MIPEP: variants seen among roughly 807,000 people sequenced by gnomAD.
The protein encoded by MIPEP is mitochondrial intermediate peptidase.
A neutral mutation model predicts 90.3 loss-of-function variants in MIPEP; 79 were observed. The ratio of observed to expected loss-of-function variants is 0.87; its 90% CI spans 0.73 to 1.05. The LOEUF (loss-of-function observed/expected upper bound fraction) is 1.05, where lower values mean the gene tolerates loss of function less well. Ranked by LOEUF, MIPEP falls within the 50% of genes least tolerant of loss-of-function variation. MIPEP has a pLI of 0.00. For missense variants in MIPEP, 940 were observed against 905.6 expected (o/e 1.04, Z -0.49); for synonymous variants, 334 against 315.8 (o/e 1.06, Z -0.61).
chr13:23,744,229 G>C (rs576068671), intron 18 of MIPEP, among the ~76,000 whole-genome samples: 1 of 152,072 alleles, frequency 6.6e-6, no homozygotes, highest in East Asian at 1.9e-4. Context: ...ATATATATTA[G>C]CTACTAGTTA....
chr13:23,843,227 T>C (rs1195381600), intron 10 of MIPEP, among the ~76,000 whole-genome samples: 2 of 151,210 alleles, frequency 1.3e-5, no homozygotes, highest in African/African-American at 2.4e-5. Flanking sequence ...TGGCATAAAA[T>C]AGCCTGGTAA....
At chr13:23,783,937 C>T (rs955517950) in intron 16 of MIPEP, among the ~76,000 whole-genome samples, 1 of 151,880 alleles carries the variant, frequency 6.6e-6, no homozygotes, top group African/African-American at 2.4e-5. Context: ...AACCACTGCT[C>T]GAGGAAATAA....
intron 14 of MIPEP, among the ~76,000 whole-genome samples, chr13:23,814,469 A>G (rs9510873): frequency 0.99 from 150,219 of 152,128 alleles, 74,208 homozygotes; most frequent in East Asian, 1. Flanking sequence ...CACTGTATTA[A>G]CCAGGATGGT....
rs139684349 is a variant in MIPEP at position 23,809,908 on chromosome 13, A to G, written c.1670T>C (p.Met557Thr). The G allele has an allele frequency of 7.4e-4, 1,187 of 1,613,472 alleles. 8 individuals carry two copies. The highest frequency in any genetic ancestry group is 4.1e-3 in the South Asian group (370 of 91,008). The change falls in exon 15 of 19, where the codon ATG becomes ACG. Residue 557 changes from methionine to threonine, a missense_variant. By Grantham distance (81) the Met-to-Thr change is moderately conservative (BLOSUM62 -1). Coordinates refer to ENST00000382172, the MANE Select transcript of MIPEP (RefSeq NM_005932.4). ...YQTGQPLPKN[M>T]VSRLCESKKV... ...TTTAGATTCACAAAGACGAGACACC[A>G]TATTTTTTGGCAGTGGCTTGATAAA...
intron 14 of MIPEP, among the ~76,000 whole-genome samples, chr13:23,811,472 T>C (rs1171180265): frequency 1.3e-5 from 2 of 152,160 alleles, no homozygotes; most frequent in Non-Finnish European, 2.9e-5. Context: ...TCCTGCTTGT[T>C]TGGGGACTGA....
chr13:23,860,597 C>A (rs955383164), intron 9 of MIPEP, among the ~76,000 whole-genome samples: 1 of 152,108 alleles, frequency 6.6e-6, no homozygotes, highest in Admixed American at 6.5e-5. Flanking sequence ...TAACCAGGAG[C>A]TACTGAATAA....
At position 23,870,205 on chromosome 13, in the gene MIPEP, G is replaced by C; in HGVS notation, c.604-10C>G. On this transcript the variant is annotated splice_polypyrimidine_tract_variant and intron_variant, in intron 5 of 18. Coordinates refer to ENST00000382172, the MANE Select transcript of MIPEP (RefSeq NM_005932.4). ...CCACTGCTCTTTTACGCTGTATGCA[G>C]GAGGAGTAAAAGTTATTTAAAGGCG... 1 of 1,511,750 alleles carries C rather than the reference G, an allele frequency of 6.6e-7. No homozygotes were observed. Among genetic ancestry groups the C allele is most frequent in the African/African-American group, 1.4e-5 (1 of 71,482 alleles). The allele number at this position is 1,511,750 out of a possible 1,614,324, so 93.6% of individuals were successfully genotyped here. A position where few individuals can be genotyped will look rare whatever the true frequency, so the allele number is the denominator to read the frequency against.
chr13:23,771,608 A>ACTG (rs1321861634), intron 16 of MIPEP, among the ~76,000 whole-genome samples: 1 of 152,042 alleles, frequency 6.6e-6, no homozygotes, highest in Non-Finnish European at 1.5e-5. Flanking sequence ...TTAAAATAAT[A>ACTG]CTGCTATTAG....
At chr13:23,784,369 C>G (rs1286802947) in intron 16 of MIPEP, among the ~76,000 whole-genome samples, 3 of 152,212 alleles carry the variant, frequency 2.0e-5, no homozygotes, top group African/African-American at 7.2e-5. Flanking sequence ...ACAAACCTGA[C>G]AAAAACAAGA....
chr13:23,760,607 G>A (rs1202308940), intron 16 of MIPEP: 1 of 528,994 alleles, frequency 1.9e-6, no homozygotes, highest in Middle Eastern at 3.2e-4. Flanking sequence ...AAGCCAAAGA[G>A]GCCTCGGGAG....
Position 23,747,445 on chromosome 13 carries a change from T to C in MIPEP, c.2044+9100A>G, listed in dbSNP as rs117979216. On this transcript the variant is annotated intron_variant, in intron 18 of 18. Transcript: ENST00000382172. ...TCCCCTACTTATTATGCCTGCTATCTAGCTGCTTAACAGTCAGTACTCGTC... is the reference window on the plus strand; with the variant it reads ...TCCCCTACTTATTATGCCTGCTATCCAGCTGCTTAACAGTCAGTACTCGTC... 2.3e-3 allele frequency: 1,009 copies of C among 442,542 alleles called. 4 individuals are homozygous for C. The highest frequency in any genetic ancestry group is 4.8e-3 in the Middle Eastern group (14 of 2,938). 27.4% of individuals were successfully genotyped at this position (442,542 alleles called of 1,614,324 possible). A position where few individuals can be genotyped will look rare whatever the true frequency, so the allele number is the denominator to read the frequency against.
chr13:23,841,614 G>T, intron 10 of MIPEP, 126 bp from the exon 11 acceptor site: 4 of 1,035,468 alleles, frequency 3.9e-6, no homozygotes, highest in Non-Finnish European at 5.5e-6. Flanking sequence ...ACATAAAAGT[G>T]TATTTATATC....
intron 10 of MIPEP, among the ~76,000 whole-genome samples, chr13:23,847,026 T>C (rs1352971646): frequency 1.3e-5 from 2 of 152,066 alleles, no homozygotes; most frequent in Non-Finnish European, 2.9e-5. Context: ...AACAACTAAG[T>C]AGAAGGCCTG....
chr13:23,752,098 A>C (rs1015908804), intron 18 of MIPEP, among the ~76,000 whole-genome samples: 3 of 152,198 alleles, frequency 2.0e-5, no homozygotes, highest in Non-Finnish European at 2.9e-5. Flanking sequence ...AAGTTTCATT[A>C]TTTATAAAAA....
At chr13:23,870,513 GA>G (rs1220843932) in intron 5 of MIPEP, among the ~76,000 whole-genome samples, 1 of 151,986 alleles carries the variant, frequency 6.6e-6, no homozygotes, top group Non-Finnish European at 1.5e-5. Flanking sequence ...TAACAACATT[GA>G]AAAACACATG....
At chr13:23,842,320 T>C in intron 10 of MIPEP, 1 of 152,146 alleles carries the variant, frequency 6.6e-6, no homozygotes, top group East Asian at 1.9e-4. Flanking sequence ...TTCCATAAAA[T>C]GAGTCCCCAC....
chr13:23,865,309 TTTAAG>T (rs1228675015), intron 7 of MIPEP, among the ~76,000 whole-genome samples: 1 of 152,220 alleles, frequency 6.6e-6, no homozygotes, highest in Non-Finnish European at 1.5e-5. Context: ...CTCTCTTCAA[TTTAAG>T]TTATCTCCTT....
At chr13:23,867,619 G>C (rs1320914762) in intron 7 of MIPEP, among the ~76,000 whole-genome samples, 2 of 152,094 alleles carry the variant, frequency 1.3e-5, no homozygotes, top group African/African-American at 4.8e-5. Flanking sequence ...CTTCTGCTTT[G>C]TACACTGACT....
Position 23,869,323 on chromosome 13 carries a change from C to T in MIPEP, c.912G>A (p.Arg304=). ...TTTTAGCTATCGTTCCTTGGAGAGCCCTGTGAGAAAACGTGGAATACCCCA... is the reference window on the plus strand; with the variant it reads ...TTTTAGCTATCGTTCCTTGGAGAGCTCTGTGAGAAAACGTGGAATACCCCA... The part of the protein sequence containing the change: ...KLVGYSTFSH[R]ALQGTIAKNP... Residue 304 remains arginine, a synonymous_variant, in exon 7 of 19, where the codon AGG becomes AGA. Transcript: ENST00000382172. The T allele has an allele frequency of 6.2e-7, 1 of 1,611,222 alleles. No homozygotes were observed. The highest frequency in any genetic ancestry group is 8.5e-7 in the Non-Finnish European group (1 of 1,179,138).
Sources: gnomAD v4.1 joint callset for allele counts (sites outside exome capture counted in the v4.1 genomes callset) on GRCh38, gnomAD v4.1.1 for gene constraint, MANE v1.5 for transcripts, NCBI Gene and HGNC (gene_info 2026-07-23, HGNC 2026-07-21) for gene names.